Variants in MPDZ observed in about 807,000 individuals in gnomAD.
MPDZ encodes the protein multiple PDZ domain crumbs cell polarity complex component.
MPDZ carries 234 observed loss-of-function variants against 239.1 expected under a neutral mutation model. The observed-to-expected ratio is 0.98, with a 90% CI of 0.88 to 1.09. The LOEUF (loss-of-function observed/expected upper bound fraction) is 1.09. Ranked by LOEUF, MPDZ falls within the 50% of genes least tolerant of loss-of-function variation. The pLI is 0.00. For synonymous variants in MPDZ, 1,048 were observed against 881.3 expected (o/e 1.19, Z -3.35); for missense variants, 3,175 against 2,510.0 (o/e 1.26, Z -5.66).
intron 40 of MPDZ, 138 bp downstream of exon 40, chr9:13,115,110 G>A (rs1430320861): frequency 1.2e-5 from 8 of 657,000 alleles, no homozygotes; most frequent in Non-Finnish European, 8.0e-6. Flanking sequence ...GTTCTTCTCT[G>A]TCTCAAACTC....
intron 3 of MPDZ, among the ~76,000 whole-genome samples, chr9:13,244,535 A>T (rs1009802972): frequency 6.6e-6 from 1 of 152,186 alleles, no homozygotes; most frequent in Admixed American, 6.5e-5. Flanking sequence ...CTGGCGTTAG[A>T]ACAATACACA....
chr9:13,109,092 AT>A (rs1941981024), intron 45 of MPDZ, 33 bp from the exon 46 acceptor site: 2 of 1,343,084 alleles, frequency 1.5e-6, no homozygotes, highest in East Asian at 5.6e-5. Flanking sequence ...GAGGTTTTAA[AT>A]TAAAAAAAAA....
chr9:13,255,045 G>C (rs1361214443), intron 1 of MPDZ, among the ~76,000 whole-genome samples: 2 of 152,142 alleles, frequency 1.3e-5, no homozygotes, highest in African/African-American at 4.8e-5. Context: ...CTCAAATCCT[G>C]CTCCTACTTT....
Position 13,176,165 on chromosome 9 carries a change from GA to G in MPDZ, c.2901del (p.Pro968LeufsTer44), listed in dbSNP as rs758520698. 1 of 1,601,992 alleles carries G rather than the reference GA, an allele frequency of 6.2e-7. No homozygotes were observed. The highest frequency in any genetic ancestry group is 8.5e-7 in the Non-Finnish European group (1 of 1,173,302). Reference protein sequence around the residue: ...LPSEVISSAELPSVLPDSAGK... With the variant: ...LPSEVISSAEXPSVLPDSAGK... ...CCAGCTGAATCGGGTAGCACAGAAG[GA>G]AGTTCTGCACTTGATATAACTTCAC... On this transcript the variant is annotated frameshift_variant, in exon 20 of 47. Coordinates refer to ENST00000319217, the MANE Select transcript of MPDZ (RefSeq NM_001378778.1). LOFTEE classifies it high-confidence loss of function.
intron 21 of MPDZ, among the ~76,000 whole-genome samples, chr9:13,170,457 A>G (rs1381104524): frequency 6.6e-6 from 1 of 152,162 alleles, no homozygotes; most frequent in African/African-American, 2.4e-5. Context: ...TGCTTACCAT[A>G]AAACAATAAG....
chr9:13,156,541 C>G (rs911825626), intron 24 of MPDZ, among the ~76,000 whole-genome samples: 1 of 152,122 alleles, frequency 6.6e-6, no homozygotes, highest in Non-Finnish European at 1.5e-5. Flanking sequence ...TCTCCTGAGG[C>G]CCATTTACTA....
chr9:13,122,629 T>G (rs1305398613), intron 36 of MPDZ, among the ~76,000 whole-genome samples: 1 of 151,936 alleles, frequency 6.6e-6, no homozygotes, highest in African/African-American at 2.4e-5. Context: ...CAAGAGATTC[T>G]CCTGCCTCAA....
At chr9:13,119,353 G>T in intron 39 of MPDZ, 149 bp downstream of exon 39, 1 of 927,456 alleles carries the variant, frequency 1.1e-6, no homozygotes, top group Non-Finnish European at 1.6e-6. Flanking sequence ...CCAAAATGCT[G>T]GGATTATAGG....
chr9:13,200,350 A>G (rs1489214765), intron 12 of MPDZ, among the ~76,000 whole-genome samples: 1 of 151,958 alleles, frequency 6.6e-6, no homozygotes, highest in Admixed American at 6.6e-5. Context: ...TACTATGGCG[A>G]AAGACTTGAG....
intron 12 of MPDZ, among the ~76,000 whole-genome samples, chr9:13,196,853 A>C (rs1955715323): frequency 6.6e-6 from 1 of 152,016 alleles, no homozygotes; most frequent in Admixed American, 6.6e-5. Context: ...ACCTAAAACA[A>C]GAAACTGGTT....
chr9:13,232,348 C>G (rs966974748), intron 3 of MPDZ, among the ~76,000 whole-genome samples: 1 of 152,090 alleles, frequency 6.6e-6, no homozygotes, highest in African/African-American at 2.4e-5. Context: ...TTAATTGGAA[C>G]ACAACATAGG....
intron 3 of MPDZ, among the ~76,000 whole-genome samples, chr9:13,242,245 A>G (rs1278374613): frequency 1.7e-5 from 1 of 60,512 alleles, no homozygotes; most frequent in East Asian, 5.1e-4. Flanking sequence ...TTTTTTTTTG[A>G]GACAGAGCCT....
chr9:13,137,235 T>C (rs193040532), intron 29 of MPDZ, among the ~76,000 whole-genome samples: 7 of 152,206 alleles, frequency 4.6e-5, no homozygotes, highest in Admixed American at 2.0e-4. Flanking sequence ...AATAGGTCAC[T>C]GGGAGAAGAA....
chr9:13,236,802 C>T (rs1292690365), intron 3 of MPDZ, among the ~76,000 whole-genome samples: 1 of 149,788 alleles, frequency 6.7e-6, no homozygotes, highest in Non-Finnish European at 1.5e-5. Flanking sequence ...AATTGTTTAC[C>T]TTCTTTTTTA....
At chr9:13,199,494 C>A (rs536597448) in intron 12 of MPDZ, among the ~76,000 whole-genome samples, 1 of 151,988 alleles carries the variant, frequency 6.6e-6, no homozygotes, top group South Asian at 2.1e-4. Context: ...CCGTTATTTC[C>A]TTCTCTTGCT....
intron 30 of MPDZ, 140 bp from the exon 31 acceptor site, chr9:13,136,322 T>TTTTTTTTTG: frequency 2.3e-6 from 1 of 440,590 alleles, no homozygotes; most frequent in Non-Finnish European, 3.8e-6. Context: ...TTACAAACGT[T>TTTTTTTTTG]TTCTTTTTTT....
chr9:13,267,773 T>C (rs1203943397), intron 1 of MPDZ, among the ~76,000 whole-genome samples: 1 of 152,192 alleles, frequency 6.6e-6, no homozygotes, highest in Non-Finnish European at 1.5e-5. Context: ...GGAATGGCAC[T>C]GAGATGATTT....
At chr9:13,263,024 T>C (rs1224301136) in intron 1 of MPDZ, among the ~76,000 whole-genome samples, 2 of 151,560 alleles carry the variant, frequency 1.3e-5, no homozygotes, top group Non-Finnish European at 3.0e-5. Context: ...AGCTTTCTCT[T>C]TTTTTTGTGT....
chr9:13,188,170 C>A (rs1954389913), intron 17 of MPDZ, among the ~76,000 whole-genome samples: 1 of 152,002 alleles, frequency 6.6e-6, no homozygotes, highest in African/African-American at 2.4e-5. Flanking sequence ...TATTGTAAGC[C>A]ATATTCATTT....
Sources: allele counts gnomAD v4.1 joint callset (sites outside exome capture counted in the v4.1 genomes callset), GRCh38; gene constraint gnomAD v4.1.1; transcripts MANE v1.5; gene names NCBI Gene and HGNC (gene_info 2026-07-23, HGNC 2026-07-21).